Variants in BICC1 observed in about 807,000 individuals in gnomAD.
The protein encoded by BICC1 is BicC family RNA binding protein 1, also known as protein bicaudal C homolog 1.
A neutral mutation model predicts 111.0 loss-of-function variants in BICC1; 43 were observed. The ratio of observed to expected loss-of-function variants is 0.39; its 90% confidence interval spans 0.30 to 0.50. The LOEUF (loss-of-function observed/expected upper bound fraction) is 0.50. Among genes scored for constraint, BICC1 ranks in the 20% least tolerant of loss-of-function variants. The pLI, the probability that BICC1 is intolerant of heterozygous loss-of-function variation, is 0.88. For synonymous variants in BICC1, 467 were observed against 434.4 expected, an observed-to-expected ratio of 1.07 and a Z score of -0.93; for missense variants, 1,091 against 1,203.2, an observed-to-expected ratio of 0.91 and a Z score of 1.38.
chr10:58,557,138 G>A (rs574320225), intron 1 of BICC1, among the ~76,000 whole-genome samples: 40 of 151,978 alleles, frequency 2.6e-4, no homozygotes, highest in African/African-American at 8.2e-4. Flanking sequence ...AGATGTTTTC[G>A]TTGAGTAAAT....
intron 3 of BICC1, among the ~76,000 whole-genome samples, chr10:58,782,028 T>C (rs569281069): frequency 2.7e-4 from 41 of 152,320 alleles, no homozygotes; most frequent in African/African-American, 9.6e-4. Flanking sequence ...TCTGCATGCA[T>C]GCTCATGTGT....
At chr10:58,643,145 C>A (rs1161405528) in intron 2 of BICC1, among the ~76,000 whole-genome samples, 1 of 152,156 alleles carries the variant, frequency 6.6e-6, no homozygotes, top group Non-Finnish European at 1.5e-5. Context: ...TTACTTAAAC[C>A]TTCAGCTTAA....
intron 1 of BICC1, among the ~76,000 whole-genome samples, chr10:58,538,524 A>C (rs1658462): frequency 0.46 from 69,718 of 151,666 alleles, 17,072 homozygotes; most frequent in Admixed American, 0.62. Flanking sequence ...TTCTAGAAGA[A>C]AAACTTTTCT....
chr10:58,723,597 T>G (rs1841006572), intron 3 of BICC1, among the ~76,000 whole-genome samples: 1 of 152,082 alleles, frequency 6.6e-6, no homozygotes, highest in African/African-American at 2.4e-5. Context: ...GATAAAAAGA[T>G]GAAATGTTCA....
At chr10:58,546,531 A>G (rs1441492368) in intron 1 of BICC1, among the ~76,000 whole-genome samples, 2 of 152,148 alleles carry the variant, frequency 1.3e-5, no homozygotes, top group African/African-American at 2.4e-5. Context: ...TGTAGGATAT[A>G]TGAAGCCAGC....
intron 3 of BICC1, among the ~76,000 whole-genome samples, chr10:58,744,635 G>A (rs1468731219): frequency 6.6e-6 from 1 of 151,980 alleles, no homozygotes; most frequent in Non-Finnish European, 1.5e-5. Flanking sequence ...TGAAGAGGAA[G>A]CATAAAATCT....
chr10:58,647,938 T>C (rs903712754), intron 2 of BICC1, among the ~76,000 whole-genome samples: 1 of 152,212 alleles, frequency 6.6e-6, no homozygotes, highest in Non-Finnish European at 1.5e-5. Context: ...TTGTAAGTGT[T>C]GTAAACTGTT....
intron 1 of BICC1, among the ~76,000 whole-genome samples, chr10:58,546,310 TTGTTTAAAGGGG>T (rs1843136294): frequency 6.6e-6 from 1 of 152,126 alleles, no homozygotes; most frequent in Admixed American, 6.6e-5. Flanking sequence ...TAGCTATGCC[TTGTTTAAAGGGG>T]CTGCCTGTGT....
At chr10:58,531,648 C>T (rs1442891687) in intron 1 of BICC1, among the ~76,000 whole-genome samples, 1 of 151,572 alleles carries the variant, frequency 6.6e-6, no homozygotes, top group Non-Finnish European at 1.5e-5. Flanking sequence ...TAAATTAGTG[C>T]ACTACAAGAA....
intron 3 of BICC1, among the ~76,000 whole-genome samples, chr10:58,746,282 T>G (rs1819772194): frequency 1.3e-5 from 2 of 152,174 alleles, no homozygotes; most frequent in South Asian, 4.1e-4. Context: ...GAGCAAAGAC[T>G]TAAAACAATG....
At chr10:58,652,192 C>G (rs1279257413) in intron 2 of BICC1, among the ~76,000 whole-genome samples, 36 of 152,082 alleles carry the variant, frequency 2.4e-4, no homozygotes, top group Non-Finnish European at 2.9e-5. Context: ...CATAACCAAT[C>G]TATCATCTCT....
At chr10:58,528,031 T>C (rs1589064553) in intron 1 of BICC1, among the ~76,000 whole-genome samples, 1 of 151,990 alleles carries the variant, frequency 6.6e-6, no homozygotes, top group Non-Finnish European at 1.5e-5. Flanking sequence ...CAAATTCATA[T>C]TCTGTTCCTC....
intron 1 of BICC1, among the ~76,000 whole-genome samples, chr10:58,569,421 T>C (rs2131975735): frequency 6.6e-6 from 1 of 152,328 alleles, no homozygotes; most frequent in African/African-American, 2.4e-5. Context: ...CTTTAAGTTC[T>C]GAGATACATG....
At chr10:58,567,026 G>T (rs1441253473) in intron 1 of BICC1, among the ~76,000 whole-genome samples, 2 of 152,144 alleles carry the variant, frequency 1.3e-5, no homozygotes, top group Non-Finnish European at 2.9e-5. Context: ...CCTGAAAACT[G>T]ATTGTACTCT....
chr10:58,818,790 C>G (rs1183404917), intron 19 of BICC1, among the ~76,000 whole-genome samples: 1 of 151,892 alleles, frequency 6.6e-6, no homozygotes, highest in Non-Finnish European at 1.5e-5. Context: ...AATATATCTC[C>G]TTATTTTGTC....
intron 2 of BICC1, among the ~76,000 whole-genome samples, chr10:58,671,153 G>T (rs1839172138): frequency 6.6e-6 from 1 of 151,992 alleles, no homozygotes; most frequent in African/African-American, 2.4e-5. Context: ...TCATATTCTA[G>T]TGTCTCCAAG....
intron 2 of BICC1, among the ~76,000 whole-genome samples, chr10:58,651,498 G>A (rs1838447499): frequency 6.6e-6 from 1 of 152,172 alleles, no homozygotes; most frequent in Admixed American, 6.6e-5. Context: ...GAGGGACATG[G>A]GAGTAAAATT....
chr10:58,572,580 A>G (rs999621358), intron 1 of BICC1, among the ~76,000 whole-genome samples: 4 of 152,164 alleles, frequency 2.6e-5, no homozygotes, highest in Non-Finnish European at 4.4e-5. Flanking sequence ...TAGTGTTGAT[A>G]TGAGCAAACT....
intron 1 of BICC1, among the ~76,000 whole-genome samples, chr10:58,606,421 G>T (rs1845214392): frequency 8.1e-6 from 1 of 123,914 alleles, no homozygotes; most frequent in African/African-American, 3.0e-5. Context: ...CCTGGGGTGG[G>T]GGAGGGGGGA....
Sources: allele counts gnomAD v4.1 joint callset (sites outside exome capture counted in the v4.1 genomes callset), GRCh38; gene constraint gnomAD v4.1.1; transcripts MANE v1.5; gene names NCBI Gene and HGNC (gene_info 2026-07-23, HGNC 2026-07-21).